The following ABTB3 variants were observed in gnomAD, a reference collection of about 807,000 sequenced individuals.
ABTB3 encodes ankyrin repeat- and BTB/POZ domain-containing protein 3.
At chr12:107,372,811 G>T in the ABTB3 span, among the ~76,000 whole-genome samples, 157 of 152,258 alleles carry the variant, frequency 1.0e-3, no homozygotes, top group African/African-American at 3.6e-3. Context: ...AGTGGACCTG[G>T]AGATATTGAC....
the ABTB3 span, among the ~76,000 whole-genome samples, chr12:107,391,707 CTG>C: frequency 6.6e-6 from 1 of 152,148 alleles, no homozygotes; most frequent in Non-Finnish European, 1.5e-5. Context: ...TGCAGAGGTC[CTG>C]AGTGTCAATT....
the ABTB3 span, among the ~76,000 whole-genome samples, chr12:107,469,830 G>A: frequency 5.0e-5 from 7 of 140,770 alleles, no homozygotes; most frequent in Non-Finnish European, 9.2e-5. Flanking sequence ...TTGTTCATCC[G>A]TCCTTCCTTT....
chr12:107,602,166 C>T, the ABTB3 span, among the ~76,000 whole-genome samples: 1 of 152,178 alleles, frequency 6.6e-6, no homozygotes, highest in African/African-American at 2.4e-5. Flanking sequence ...TGAACTATTC[C>T]AGAAACTGCA....
the ABTB3 span, among the ~76,000 whole-genome samples, chr12:107,424,994 G>C: frequency 6.6e-6 from 1 of 152,142 alleles, no homozygotes; most frequent in African/African-American, 2.4e-5. Context: ...CACTCCAGTG[G>C]TCCATGCTGC....
At chr12:107,355,839 CT>C in the ABTB3 span, among the ~76,000 whole-genome samples, 1 of 152,188 alleles carries the variant, frequency 6.6e-6, no homozygotes, top group Non-Finnish European at 1.5e-5. Context: ...CCATGTGTAA[CT>C]TTGAACCCAC....
the ABTB3 span, among the ~76,000 whole-genome samples, chr12:107,630,380 G>A: frequency 6.7e-6 from 1 of 150,256 alleles, no homozygotes; most frequent in Admixed American, 6.6e-5. Context: ...AGTGTAGGGA[G>A]CCCCCTGATG....
At chr12:107,482,559 C>T in the ABTB3 span, among the ~76,000 whole-genome samples, 2 of 152,144 alleles carry the variant, frequency 1.3e-5, no homozygotes, top group African/African-American at 2.4e-5. Context: ...AAGCCATTTA[C>T]TGCCCTCTTC....
chr12:107,597,261 A>G, the ABTB3 span, among the ~76,000 whole-genome samples: 1 of 152,198 alleles, frequency 6.6e-6, no homozygotes, highest in Non-Finnish European at 1.5e-5. Flanking sequence ...CTGAGCTATT[A>G]AGAGAGTAGC....
chr12:107,477,804 TA>T, the ABTB3 span, among the ~76,000 whole-genome samples: 8 of 152,158 alleles, frequency 5.3e-5, no homozygotes, highest in Non-Finnish European at 8.8e-5. Context: ...CATCTTCAAA[TA>T]AATGATAGAC....
At chr12:107,472,336 A>C in the ABTB3 span, among the ~76,000 whole-genome samples, 1 of 152,136 alleles carries the variant, frequency 6.6e-6, no homozygotes, top group African/African-American at 2.4e-5. Flanking sequence ...GGCAAACGGA[A>C]CCGGGGAAGG....
chr12:107,533,681 G>GA, the ABTB3 span, among the ~76,000 whole-genome samples: 1 of 152,142 alleles, frequency 6.6e-6, no homozygotes, highest in East Asian at 1.9e-4. Flanking sequence ...AATAGTAGGG[G>GA]ACTTCAACAG....
At chr12:107,340,051 T>A in the ABTB3 span, among the ~76,000 whole-genome samples, 17 of 152,286 alleles carry the variant, frequency 1.1e-4, no homozygotes, top group East Asian at 3.3e-3. Context: ...ATGAGAAACA[T>A]CTAACCAGAC....
the ABTB3 span, among the ~76,000 whole-genome samples, chr12:107,570,895 A>G: frequency 6.6e-6 from 1 of 152,044 alleles, no homozygotes; most frequent in African/African-American, 2.4e-5. Context: ...GCCTCTGTAC[A>G]CATGCTGTTA....
At chr12:107,655,233 T>C in the ABTB3 span, among the ~76,000 whole-genome samples, 1 of 151,194 alleles carries the variant, frequency 6.6e-6, no homozygotes, top group South Asian at 2.1e-4. Flanking sequence ...AGAACACCTA[T>C]GGCAGAGAAA....
the ABTB3 span, among the ~76,000 whole-genome samples, chr12:107,568,415 C>T: frequency 6.6e-6 from 1 of 152,038 alleles, no homozygotes; most frequent in East Asian, 1.9e-4. Context: ...TACCATAGCC[C>T]CCTTCCCACT....
At chr12:107,590,661 C>G in the ABTB3 span, among the ~76,000 whole-genome samples, 3 of 152,176 alleles carry the variant, frequency 2.0e-5, no homozygotes, top group African/African-American at 4.8e-5. Context: ...TTCTGAGCTT[C>G]CAAAGTGTTA....
the ABTB3 span, among the ~76,000 whole-genome samples, chr12:107,352,818 G>A: frequency 3.8e-3 from 571 of 152,262 alleles, 3 homozygotes; most frequent in African/African-American, 0.013. Context: ...GGAGGCAGTG[G>A]GGTTGGAGAG....
chr12:107,528,634 G>C, the ABTB3 span, among the ~76,000 whole-genome samples: 4 of 152,188 alleles, frequency 2.6e-5, no homozygotes, highest in South Asian at 4.1e-4. Context: ...ACATATTATA[G>C]AGCAGGGTTT....
At chr12:107,465,569 G>A in the ABTB3 span, among the ~76,000 whole-genome samples, 1 of 152,178 alleles carries the variant, frequency 6.6e-6, no homozygotes, top group Non-Finnish European at 1.5e-5. Flanking sequence ...TGAACAGTGT[G>A]GGCGTCCTGC....
Sources: gnomAD v4.1 joint callset for allele counts (sites outside exome capture counted in the v4.1 genomes callset) on GRCh38, gnomAD v4.1.1 for gene constraint, MANE v1.5 for transcripts, NCBI Gene and HGNC (gene_info 2026-07-23, HGNC 2026-07-21) for gene names.